Variants in ARAP2 observed in about 807,000 individuals in gnomAD.
ARAP2 encodes the protein arf-GAP with Rho-GAP domain, ANK repeat and PH domain-containing protein 2.
In ARAP2, 148 loss-of-function variants were observed where a neutral mutation model predicts 194.5. The observed-to-expected ratio is 0.76, with a 90% CI of 0.67 to 0.87. ARAP2 has a LOEUF of 0.87. ARAP2 is among the 40% of genes least tolerant of loss of function. The pLI is 0.00. For missense variants in ARAP2, 2,128 were observed against 1,989.7 expected (o/e 1.07, Z -1.32); for synonymous variants, 695 against 683.5 (o/e 1.02, Z -0.26).
intron 23 of ARAP2, among the ~76,000 whole-genome samples, chr4:36,120,599 G>A (rs1308363869): frequency 6.6e-6 from 1 of 151,352 alleles, no homozygotes; most frequent in Non-Finnish European, 1.5e-5. Flanking sequence ...TTGAATCCTG[G>A]GCTTATTTCC....
chr4:36,160,155 C>A (rs994547146), intron 13 of ARAP2: 8 of 1,017,708 alleles, frequency 7.9e-6, no homozygotes, highest in Non-Finnish European at 9.4e-6. Context: ...CTCATCCTTT[C>A]TTCCCACATT....
At chr4:36,189,143 A>G (rs1741281023) in intron 7 of ARAP2, among the ~76,000 whole-genome samples, 1 of 152,164 alleles carries the variant, frequency 6.6e-6, no homozygotes, top group East Asian at 1.9e-4. Flanking sequence ...GCAACCTTAT[A>G]CAGAAAAGAG....
chr4:36,150,809 T>G, intron 16 of ARAP2, 91 bp downstream of exon 16: 1 of 1,400,648 alleles, frequency 7.1e-7, no homozygotes, highest in Middle Eastern at 2.0e-4. Flanking sequence ...TAGAAGCAAC[T>G]AAAGAACTAA....
At chr4:36,051,370 G>A (rs764983001) in intron 3 of ARAP2, among the ~76,000 whole-genome samples, 5 of 152,012 alleles carry the variant, frequency 3.3e-5, no homozygotes, top group South Asian at 2.1e-4. Context: ...CCAGCTACTC[G>A]GGAGGCTGAG....
intron 2 of ARAP2, among the ~76,000 whole-genome samples, 177 bp downstream of exon 2, chr4:36,228,405 A>G (rs1750782571): frequency 6.6e-6 from 1 of 152,204 alleles, no homozygotes; most frequent in African/African-American, 2.4e-5. Flanking sequence ...TTAGCTGGAA[A>G]CAGACTGTGA....
chr4:36,224,067 T>C (rs1749723927), intron 2 of ARAP2, among the ~76,000 whole-genome samples: 1 of 151,680 alleles, frequency 6.6e-6, no homozygotes, highest in African/African-American at 2.4e-5. Flanking sequence ...TTAATATTTT[T>C]AATCACTAAA....
chr4:36,120,394 A>G (rs978321644), intron 23 of ARAP2, among the ~76,000 whole-genome samples: 2 of 151,602 alleles, frequency 1.3e-5, no homozygotes, highest in African/African-American at 4.8e-5. Context: ...AGTGATTATA[A>G]TAAGAACGTA....
intron 9 of ARAP2, among the ~76,000 whole-genome samples, chr4:36,012,406 T>A (rs1263644808): frequency 6.6e-6 from 1 of 151,508 alleles, no homozygotes; most frequent in East Asian, 1.9e-4. Context: ...ATACTGATTA[T>A]TTTTCAACTT....
chr4:36,141,351 A>G (rs1440088660), intron 19 of ARAP2, among the ~76,000 whole-genome samples: 1 of 151,618 alleles, frequency 6.6e-6, no homozygotes, highest in Non-Finnish European at 1.5e-5. Context: ...AGAAAGCTTT[A>G]TTTTCCAAAA....
chr4:36,062,911 T>C (rs1166834220), downstream of ARAP2, among the ~76,000 whole-genome samples: 1 of 152,224 alleles, frequency 6.6e-6, no homozygotes, highest in Non-Finnish European at 1.5e-5. Flanking sequence ...ATTACCTGAT[T>C]CATTTCTGTG....
intron 19 of ARAP2, among the ~76,000 whole-genome samples, chr4:36,145,680 C>A (rs748328831): frequency 2.2e-4 from 33 of 151,852 alleles, no homozygotes; most frequent in Non-Finnish European, 4.3e-4. Flanking sequence ...CCCCTTGAAT[C>A]CAAAATTAAA....
intron 6 of ARAP2, among the ~76,000 whole-genome samples, chr4:36,198,430 T>TG (rs1337270344): frequency 1.3e-5 from 2 of 152,180 alleles, no homozygotes; most frequent in African/African-American, 4.8e-5. Flanking sequence ...GGCCTGAAGG[T>TG]GGGGACTCAC....
intron 5 of ARAP2, among the ~76,000 whole-genome samples, chr4:36,025,298 T>G (rs1159320281): frequency 6.6e-6 from 1 of 152,158 alleles, no homozygotes; most frequent in Non-Finnish European, 1.5e-5. Flanking sequence ...GATTTTAACA[T>G]TTTAATTATT....
rs571136275 is a variant in ARAP2 at position 36,208,010 on chromosome 4, T to C, written c.1487+2380A>G. On this transcript the variant is annotated intron_variant, in intron 6 of 32. Transcript: ENST00000303965. ...ATCTACCACGTGCTAGACAATGTTC[T>C]GCTAAGGCTATCACAGCACAAGAAA... is the stretch of plus-strand genomic sequence containing the variant. Among the ~76,000 whole-genome samples, 142 of 152,366 alleles carry C rather than the reference T, an allele frequency of 9.3e-4. No homozygotes were observed. The South Asian group carries it at 0.029, about 31-fold the overall frequency.
intron 24 of ARAP2, among the ~76,000 whole-genome samples, chr4:36,117,702 AAGTG>A (rs1382200300): frequency 2.0e-5 from 3 of 151,658 alleles, no homozygotes; most frequent in African/African-American, 7.2e-5. Flanking sequence ...AGAAAAATAA[AAGTG>A]AGGTCATTCA....
At chr4:36,100,933 C>T (rs190023307) in intron 27 of ARAP2, among the ~76,000 whole-genome samples, 7 of 152,026 alleles carry the variant, frequency 4.6e-5, no homozygotes, top group East Asian at 3.9e-4. Context: ...GTTATTTATA[C>T]GGTTGGCCCT....
In ARAP2 at chr4:36,228,757, G is replaced by A. The variant is rs531113400; in HGVS notation, c.730C>T (p.Pro244Ser). Residue 244 changes from proline to serine, a missense_variant, in exon 2 of 33, where the codon CCA becomes TCA. By Grantham distance (74) the Pro-to-Ser change is moderately conservative (BLOSUM62 -1). Transcript: ENST00000303965. ...ATTTCTCCTTGAAACTTAAAGAATGGGGATGGTGGTGATCCTTCTAATAAA... is the reference window on the plus strand; with the variant it reads ...ATTTCTCCTTGAAACTTAAAGAATGAGGATGGTGGTGATCCTTCTAATAAA... ...NGLLEGSPPS[P>S]FFKFQGEMIV... 6 of 1,614,068 alleles carry A rather than the reference G, an allele frequency of 3.7e-6. No homozygotes were observed. In the African/African-American group the frequency reaches 6.7e-5, roughly 18 times the overall value.
Position 36,128,749 on chromosome 4 carries a change from T to G in ARAP2, c.3428-4A>C. ...TAGATATATTTGCATCCTAAACCTT[T>G]GTTTAAAAAAAAAAAGTTATACTTT... On this transcript the variant is annotated splice_region_variant and splice_polypyrimidine_tract_variant and intron_variant, in intron 20 of 32. Transcript: ENST00000303965. The G allele has an allele frequency of 6.9e-7, 1 of 1,454,214 alleles. No individual in the cohort carries two copies. Among genetic ancestry groups the G allele is most frequent in the Non-Finnish European group, 9.0e-7 (1 of 1,111,600 alleles). 90.1% of individuals were successfully genotyped at this position (1,454,214 alleles called of 1,614,324 possible).
At position 36,124,921 on chromosome 4, in the gene ARAP2, T is replaced by C. The variant is rs774682607; in HGVS notation, c.3687A>G (p.Ile1229Met). The change falls in exon 22 of 33, where the codon ATA (isoleucine) becomes ATG (methionine). Residue 1229 changes from isoleucine to methionine, a missense_variant. By Grantham distance (10) the Ile-to-Met change is conservative. Transcript: ENST00000303965. ...CTCGGTTGACCCCTGGAAGAGAACGTATAAATGCTCCATATTTTTTAATTC... is the reference window on the plus strand; with the variant it reads ...CTCGGTTGACCCCTGGAAGAGAACGCATAAATGCTCCATATTTTTTAATTC... ...KERIKKYGAF[I>M]RSLPGVNRAT... The C allele has an allele frequency of 6.2e-7, 1 of 1,611,226 alleles. No homozygotes were observed. Among genetic ancestry groups the C allele is most frequent in the South Asian group, 1.1e-5 (1 of 90,850 alleles).
Sources: allele counts gnomAD v4.1 joint callset (sites outside exome capture counted in the v4.1 genomes callset), GRCh38; gene constraint gnomAD v4.1.1; transcripts MANE v1.5; gene names NCBI Gene and HGNC (gene_info 2026-07-23, HGNC 2026-07-21).